The following PRDM5 variants were observed in gnomAD, a reference collection of about 807,000 sequenced individuals.
The protein encoded by PRDM5 is PR/SET domain 5.
Under a neutral mutation model 81.2 loss-of-function variants are expected in PRDM5, and 56 were observed. The ratio of observed to expected loss-of-function variants is 0.69; its 90% confidence interval spans 0.56 to 0.86. The LOEUF is 0.86. Among genes scored for constraint, PRDM5 ranks in the 40% least tolerant of loss-of-function variants. The pLI is 0.00. For synonymous variants in PRDM5, 267 were observed against 256.4 expected, an observed-to-expected ratio of 1.04 and a Z score of -0.39; for missense variants, 697 against 770.1, an observed-to-expected ratio of 0.91 and a Z score of 1.12.
In PRDM5 at chr4:120,814,852, C is replaced by A. The variant is rs73843617; in HGVS notation, c.865+1601G>T. The stretch of plus-strand genomic sequence containing the variant: ...GGCATAGTAACCGTTAGCTAAAATA[C>A]AGCAAGATTTTACACTTTATATGGT... On this transcript the variant is annotated intron_variant, in intron 7 of 15. Transcript: ENST00000264808. 8.6e-3 allele frequency among the ~76,000 whole-genome samples: 1,307 copies of A among 152,300 alleles called. 19 individuals are homozygous for A. Among genetic ancestry groups the A allele is most frequent in the African/African-American group, 0.03 (1,238 of 41,570 alleles).
chr4:120,914,081 G>A (rs1452376562), intron 1 of PRDM5, among the ~76,000 whole-genome samples: 1 of 151,974 alleles, frequency 6.6e-6, no homozygotes, highest in Admixed American at 6.6e-5. Context: ...AGGAAGATAA[G>A]GCAGAAGAAT....
chr4:120,759,779 ATCTT>A (rs1314487694), intron 13 of PRDM5, among the ~76,000 whole-genome samples: 1 of 152,242 alleles, frequency 6.6e-6, no homozygotes, highest in Non-Finnish European at 1.5e-5. Context: ...TTTAGACACT[ATCTT>A]TATTTTGCTT....
chr4:120,852,797 T>A (rs1759427641), intron 3 of PRDM5, among the ~76,000 whole-genome samples: 1 of 104,954 alleles, frequency 9.5e-6, no homozygotes, highest in South Asian at 3.3e-4. Context: ...TAAGGATATA[T>A]CCTTTCTTTT....
chr4:120,781,250 T>C lies in PRDM5; in HGVS notation c.1336A>G (p.Thr446Ala). The change falls in exon 12 of 16, where the codon ACA becomes GCA. Residue 446 changes from threonine to alanine, a missense_variant. By Grantham distance (58) the Thr-to-Ala change is moderately conservative. Transcript: ENST00000264808. Reference protein sequence around the residue: ...HCDATFKRKDTLNVHVQVVHE... With the variant: ...HCDATFKRKDALNVHVQVVHE... ...ACCACCTGGACATGAACATTTAATGTATCCTTCCTCTTAAAGGTAGCATCG... is the reference window on the plus strand; with the variant it reads ...ACCACCTGGACATGAACATTTAATGCATCCTTCCTCTTAAAGGTAGCATCG... 1.2e-6 allele frequency: 2 copies of C among 1,613,062 alleles called. No homozygotes were observed. Among genetic ancestry groups the C allele is most frequent in the Non-Finnish European group, 1.7e-6 (2 of 1,179,240 alleles).
intron 15 of PRDM5, among the ~76,000 whole-genome samples, chr4:120,705,957 G>A (rs544556155): frequency 5.3e-4 from 81 of 152,258 alleles, no homozygotes; most frequent in African/African-American, 1.7e-3. Flanking sequence ...GAGAAATAAA[G>A]GTGACAATGA....
At chr4:120,853,039 C>A (rs1273045031) in intron 3 of PRDM5, among the ~76,000 whole-genome samples, 1 of 152,052 alleles carries the variant, frequency 6.6e-6, no homozygotes, top group African/African-American at 2.4e-5. Flanking sequence ...CCCAAGTAAA[C>A]CTTCTCCATA....
intron 13 of PRDM5, among the ~76,000 whole-genome samples, chr4:120,774,205 C>T (rs1747722240): frequency 6.6e-6 from 1 of 152,214 alleles, no homozygotes; most frequent in African/African-American, 2.4e-5. Flanking sequence ...GAGCTGTCCT[C>T]TTCTGACTGT....
At chr4:120,853,326 T>C (rs938060501) in intron 3 of PRDM5, 92 bp downstream of exon 3, 11 of 1,578,860 alleles carry the variant, frequency 7.0e-6, no homozygotes, top group Admixed American at 1.7e-5. Context: ...AAGGAGGTCA[T>C]TGGGAAACAA....
intron 14 of PRDM5, among the ~76,000 whole-genome samples, chr4:120,740,671 C>T (rs909683921): frequency 6.6e-6 from 1 of 152,182 alleles, no homozygotes; most frequent in Non-Finnish European, 1.5e-5. Context: ...ATGGCCATCT[C>T]ATGTGGGTCC....
intron 3 of PRDM5, among the ~76,000 whole-genome samples, chr4:120,829,720 C>T (rs1443672251): frequency 6.6e-6 from 1 of 151,998 alleles, no homozygotes; most frequent in Non-Finnish European, 1.5e-5. Context: ...GGCAAAGGTA[C>T]AATTCATTAT....
chr4:120,911,290 G>A (rs1766478409), intron 1 of PRDM5, among the ~76,000 whole-genome samples: 1 of 152,144 alleles, frequency 6.6e-6, no homozygotes, highest in African/African-American at 2.4e-5. Context: ...TGAAATCACT[G>A]ATTTTTTACA....
intron 1 of PRDM5, among the ~76,000 whole-genome samples, chr4:120,918,750 T>C (rs1381673785): frequency 6.6e-6 from 1 of 151,434 alleles, no homozygotes; most frequent in Non-Finnish European, 1.5e-5. Flanking sequence ...GAGTTGACAC[T>C]GTGGAAGGCA....
chr4:120,913,083 A>G (rs1052843804), intron 1 of PRDM5, among the ~76,000 whole-genome samples: 4 of 152,248 alleles, frequency 2.6e-5, no homozygotes, highest in African/African-American at 9.6e-5. Context: ...CATTAGTACT[A>G]GAACACTGAT....
chr4:120,920,753 A>T (rs947234248), intron 1 of PRDM5, among the ~76,000 whole-genome samples: 4 of 152,260 alleles, frequency 2.6e-5, no homozygotes, highest in Admixed American at 2.6e-4. Context: ...TTTGAAATAC[A>T]GCGAAGCATT....
At chr4:120,843,972 A>G (rs1758348746) in intron 3 of PRDM5, among the ~76,000 whole-genome samples, 1 of 152,092 alleles carries the variant, frequency 6.6e-6, no homozygotes, top group African/African-American at 2.4e-5. Flanking sequence ...CACAGTAAAT[A>G]CTACTCAAGT....
chr4:120,709,668 T>C (rs1208499355), intron 15 of PRDM5, among the ~76,000 whole-genome samples: 2 of 151,820 alleles, frequency 1.3e-5, no homozygotes, highest in East Asian at 3.9e-4. Context: ...TCTGTGTCAA[T>C]TCTCTGTCAA....
intron 14 of PRDM5, among the ~76,000 whole-genome samples, chr4:120,714,347 C>T (rs71600497): frequency 0.11 from 17,409 of 151,876 alleles, 1,328 homozygotes; most frequent in Non-Finnish European, 0.17. Flanking sequence ...TTAACATTTC[C>T]ATCTCTTTCT....
chr4:120,728,331 G>T (rs1361331134), intron 14 of PRDM5, among the ~76,000 whole-genome samples: 1 of 152,038 alleles, frequency 6.6e-6, no homozygotes. Flanking sequence ...AGCATTTGGT[G>T]ATGAAAATGT....
chr4:120,769,961 T>A (rs531989554), intron 13 of PRDM5, among the ~76,000 whole-genome samples: 15 of 152,066 alleles, frequency 9.9e-5, no homozygotes, highest in Non-Finnish European at 2.1e-4. Flanking sequence ...TCCACTTAAG[T>A]GGCAGCTGCA....
Sources: gnomAD v4.1 joint callset for allele counts (sites outside exome capture counted in the v4.1 genomes callset) on GRCh38, gnomAD v4.1.1 for gene constraint, MANE v1.5 for transcripts, NCBI Gene and HGNC (gene_info 2026-07-23, HGNC 2026-07-21) for gene names.